Variants in SNX29 observed in about 807,000 individuals in gnomAD.
SNX29 encodes the protein sorting nexin-29.
SNX29 carries 78 observed loss-of-function variants against 102.1 expected under a neutral mutation model. That is an observed-to-expected ratio of 0.76 (90% CI 0.64 to 0.92). SNX29 has a LOEUF of 0.92. Among genes scored for constraint, SNX29 ranks in the 40% least tolerant of loss-of-function variants. SNX29 has a pLI of 0.00. For missense variants in SNX29, 1,280 were observed against 1,061.7 expected (o/e 1.21, Z -2.86); for synonymous variants, 580 against 414.5 (o/e 1.40, Z -4.85).
At chr16:12,275,545 G>A (rs2079217648) in intron 14 of SNX29, among the ~76,000 whole-genome samples, 1 of 152,134 alleles carries the variant, frequency 6.6e-6, no homozygotes, top group Non-Finnish European at 1.5e-5. Context: ...AGCGTTTTAT[G>A]AATCATTCCA....
chr16:12,358,296 G>C (rs1333731282), intron 16 of SNX29, among the ~76,000 whole-genome samples: 1 of 152,026 alleles, frequency 6.6e-6, no homozygotes, highest in Non-Finnish European at 1.5e-5. Flanking sequence ...CATAATTCCC[G>C]TAGCCCTTGT....
intron 20 of SNX29, chr16:12,526,970 C>T (rs1304718207): frequency 1.7e-5 from 7 of 406,410 alleles, no homozygotes; most frequent in African/African-American, 4.0e-5. Context: ...GAACAGAACA[C>T]AGGGTTCGAT....
chr16:12,418,267 G>A (rs2084725096), intron 18 of SNX29, among the ~76,000 whole-genome samples: 2 of 152,138 alleles, frequency 1.3e-5, no homozygotes, highest in Non-Finnish European at 2.9e-5. Flanking sequence ...AAAACCGTTT[G>A]CTAGCGTCCT....
At chr16:12,310,800 C>T (rs770437707) in intron 15 of SNX29, among the ~76,000 whole-genome samples, 3 of 151,804 alleles carry the variant, frequency 2.0e-5, no homozygotes, top group Admixed American at 1.3e-4. Flanking sequence ...CTCAGTGAAG[C>T]TTAAAAAAAA....
chr16:12,521,098 T>A (rs988862775), intron 19 of SNX29, among the ~76,000 whole-genome samples: 2 of 152,084 alleles, frequency 1.3e-5, no homozygotes, highest in Non-Finnish European at 2.9e-5. Context: ...GAGGACTGCT[T>A]GAACCTGGGA....
intron 13 of SNX29, among the ~76,000 whole-genome samples, chr16:12,131,198 G>A (rs1242933413): frequency 3.3e-5 from 5 of 152,162 alleles, no homozygotes; most frequent in Admixed American, 3.3e-4. Flanking sequence ...TGCCAGGGGT[G>A]GAAATGGTGC....
At chr16:12,464,346 T>C (rs1176950093) in intron 18 of SNX29, among the ~76,000 whole-genome samples, 1 of 152,150 alleles carries the variant, frequency 6.6e-6, no homozygotes, top group Non-Finnish European at 1.5e-5. Context: ...GACACCTAGT[T>C]TGTTTCCATA....
chr16:12,095,143 C>G (rs1190453044), intron 11 of SNX29: 1 of 152,188 alleles, frequency 6.6e-6, no homozygotes, highest in Non-Finnish European at 1.5e-5. Context: ...CGGAAACCAG[C>G]TCACTGGTAC....
chr16:12,303,952 T>C (rs1416488049), intron 15 of SNX29, among the ~76,000 whole-genome samples: 1 of 152,094 alleles, frequency 6.6e-6, no homozygotes, highest in Non-Finnish European at 1.5e-5. Context: ...TCAGTGGCGT[T>C]TGAGGTTTGG....
chr16:12,125,555 C>T (rs1027339250), intron 11 of SNX29, among the ~76,000 whole-genome samples: 2 of 143,824 alleles, frequency 1.4e-5, no homozygotes, highest in East Asian at 4.1e-4. Flanking sequence ...CAGGTGGTTG[C>T]TATGCAGTGA....
chr16:12,012,642 C>T (rs746667333), intron 3 of SNX29, among the ~76,000 whole-genome samples: 1 of 152,154 alleles, frequency 6.6e-6, no homozygotes, highest in Non-Finnish European at 1.5e-5. Flanking sequence ...CTCCTGACCT[C>T]GTGATCTGCC....
chr16:12,117,835 G>A (rs2053798096), intron 11 of SNX29, among the ~76,000 whole-genome samples: 1 of 152,074 alleles, frequency 6.6e-6, no homozygotes, highest in Non-Finnish European at 1.5e-5. Flanking sequence ...GTGGCTCACA[G>A]CTGTAATCCC....
At chr16:12,518,478 G>C (rs1009766800) in intron 19 of SNX29, among the ~76,000 whole-genome samples, 5 of 152,126 alleles carry the variant, frequency 3.3e-5, no homozygotes, top group Non-Finnish European at 5.9e-5. Flanking sequence ...TTGACCACCT[G>C]ATGGCCACAC....
Position 12,048,482 on chromosome 16 carries a change from A to T in SNX29, c.610A>T (p.Thr204Ser). 6.2e-7 allele frequency: 1 copy of T among 1,613,664 alleles called. No individual in the cohort carries two copies. The highest frequency in any genetic ancestry group is 1.1e-5 in the South Asian group (1 of 91,048). Residue 204 changes from threonine (T) to serine (S), a missense_variant, in exon 7 of 21, where the codon ACC (threonine) becomes TCC (serine). Physicochemically the swap from Thr to Ser is moderately conservative, Grantham distance 58. Coordinates refer to ENST00000566228, the MANE Select transcript of SNX29 (RefSeq NM_032167.5). ...CTTAAAGGAGTCAACGCAGAACGTG[A>T]CCTCCTTGCTGAAGGAGTCCACGCA... Reference protein sequence around the residue: ...DLLKESTQNVTSLLKESTQGV... With the variant: ...DLLKESTQNVSSLLKESTQGV...
At chr16:12,183,284 A>G (rs2076434262) in intron 13 of SNX29, among the ~76,000 whole-genome samples, 1 of 152,168 alleles carries the variant, frequency 6.6e-6, no homozygotes, top group African/African-American at 2.4e-5. Context: ...TACAGGTATG[A>G]GCCATGGCAC....
At chr16:12,217,159 G>T (rs1185887941) in intron 14 of SNX29, among the ~76,000 whole-genome samples, 1 of 152,202 alleles carries the variant, frequency 6.6e-6, no homozygotes, top group South Asian at 2.1e-4. Context: ...CTCTGAAGTA[G>T]CTGGGACTAT....
intron 20 of SNX29, among the ~76,000 whole-genome samples, chr16:12,566,361 C>A (rs1041254330): frequency 6.6e-6 from 1 of 152,188 alleles, no homozygotes; most frequent in African/African-American, 2.4e-5. Context: ...TGCTACCTCT[C>A]CTCTCCCAAC....
chr16:12,536,153 C>G (rs2077072551), intron 20 of SNX29, among the ~76,000 whole-genome samples: 1 of 152,188 alleles, frequency 6.6e-6, no homozygotes, highest in Admixed American at 6.5e-5. Flanking sequence ...CCTGTGAGCG[C>G]AGAATCTCCT....
chr16:12,101,301 CTT>C (rs1212782573), intron 11 of SNX29, among the ~76,000 whole-genome samples: 34 of 118,546 alleles, frequency 2.9e-4, no homozygotes, highest in African/African-American at 3.2e-4. Flanking sequence ...CCCCCCCCAA[CTT>C]TTTTTTTTTT....
Sources: gnomAD v4.1 joint callset for allele counts (sites outside exome capture counted in the v4.1 genomes callset) on GRCh38, gnomAD v4.1.1 for gene constraint, MANE v1.5 for transcripts, NCBI Gene and HGNC (gene_info 2026-07-23, HGNC 2026-07-21) for gene names.